ZMIZ1: variants seen among roughly 807,000 people sequenced by gnomAD.
ZMIZ1 encodes zinc finger MIZ domain-containing protein 1.
A neutral mutation model predicts 113.9 loss-of-function variants in ZMIZ1; 17 were observed. The observed-to-expected ratio is 0.15, with a 90% CI of 0.10 to 0.22. ZMIZ1 has a LOEUF of 0.22. Among genes scored for constraint, ZMIZ1 ranks in the 10% least tolerant of loss-of-function variants. The probability of loss-of-function intolerance (pLI) is 1.00; values close to 1 mark genes in which losing one functional copy is unlikely to be tolerated. For synonymous variants in ZMIZ1, 607 were observed against 603.1 expected (o/e 1.01, Z -0.09); for missense variants, 1,059 against 1,477.8 (o/e 0.72, Z 4.65).
intron 8 of ZMIZ1, chr10:79,285,304 A>G: frequency 2.8e-6 from 1 of 362,924 alleles, no homozygotes; most frequent in Non-Finnish European, 5.5e-6. Flanking sequence ...GAAGTCACTC[A>G]GTAAATCAGA....
At chr10:79,116,466 C>G (rs1227950019) in intron 1 of ZMIZ1, among the ~76,000 whole-genome samples, 1 of 152,088 alleles carries the variant, frequency 6.6e-6, no homozygotes, top group Non-Finnish European at 1.5e-5. Flanking sequence ...GGGAGGGCCT[C>G]CAGGAGAAGG....
chr10:79,268,540 T>C (rs1851738543), intron 7 of ZMIZ1, among the ~76,000 whole-genome samples: 1 of 152,224 alleles, frequency 6.6e-6, no homozygotes, highest in African/African-American at 2.4e-5. Flanking sequence ...CTGTGATTCA[T>C]GTCAGTGTGT....
chr10:79,096,371 G>T lies in ZMIZ1; in HGVS notation c.-336-22544G>T, dbSNP rs572031032. 7.9e-4 allele frequency among the ~76,000 whole-genome samples: 121 copies of T among 152,286 alleles called. 2 individuals carry two copies. The highest frequency in any genetic ancestry group is 1.4e-3 in the South Asian group (7 of 4,832). On this transcript the variant is annotated intron_variant, in intron 1 of 24. Coordinates refer to ENST00000334512, the MANE Select transcript of ZMIZ1 (RefSeq NM_020338.4). ...TAAAAAATACAAAAAAATTAGCCAGGTGTGGTGGTGGGCACCTGTGGTCCC... is the reference window on the plus strand; with the variant it reads ...TAAAAAATACAAAAAAATTAGCCAGTTGTGGTGGTGGGCACCTGTGGTCCC...
chr10:79,266,140 C>G (rs1018818293), intron 7 of ZMIZ1, among the ~76,000 whole-genome samples: 1 of 152,214 alleles, frequency 6.6e-6, no homozygotes, highest in Non-Finnish European at 1.5e-5. Flanking sequence ...CACCCCCTGT[C>G]TTTTACATGT....
intron 14 of ZMIZ1, 72 bp downstream of exon 14, chr10:79,297,762 G>C (rs957068852): frequency 7.3e-7 from 1 of 1,376,342 alleles, no homozygotes. Context: ...CACTGTTCCT[G>C]CTCCAGCCTC....
intron 2 of ZMIZ1, among the ~76,000 whole-genome samples, chr10:79,124,638 C>G (rs1294287553): frequency 6.6e-6 from 1 of 152,188 alleles, no homozygotes; most frequent in Non-Finnish European, 1.5e-5. Flanking sequence ...GTCACAGTCT[C>G]CAGTGCAGGG....
At chr10:79,275,018 T>A (rs536213564) in intron 7 of ZMIZ1, among the ~76,000 whole-genome samples, 2 of 152,310 alleles carry the variant, frequency 1.3e-5, no homozygotes, top group South Asian at 4.1e-4. Context: ...GGCAGTGGAG[T>A]GATCCCTCCG....
intron 3 of ZMIZ1, among the ~76,000 whole-genome samples, chr10:79,161,163 C>G (rs982718021): frequency 1.3e-5 from 2 of 152,236 alleles, no homozygotes; most frequent in East Asian, 3.8e-4. Flanking sequence ...CCCTGCACTT[C>G]TGCCTGCTGC....
At chr10:79,111,639 G>T (rs1843743425) in intron 1 of ZMIZ1, among the ~76,000 whole-genome samples, 1 of 152,202 alleles carries the variant, frequency 6.6e-6, no homozygotes, top group South Asian at 2.1e-4. Context: ...CGGAGATCTT[G>T]ACTCAAGAGT....
chr10:79,264,483 G>A (rs1851468506), intron 7 of ZMIZ1, among the ~76,000 whole-genome samples: 1 of 152,292 alleles, frequency 6.6e-6, no homozygotes, highest in East Asian at 1.9e-4. Flanking sequence ...CGCTTGCTTT[G>A]CTATTAGTGC....
intron 7 of ZMIZ1, among the ~76,000 whole-genome samples, chr10:79,239,992 G>A (rs996263114): frequency 1.4e-5 from 2 of 140,820 alleles, no homozygotes; most frequent in South Asian, 2.3e-4. Flanking sequence ...TTGCTCTCCC[G>A]AGCAAGCCAC....
At chr10:79,303,016 C>T (rs559342473) in intron 18 of ZMIZ1, among the ~76,000 whole-genome samples, 72 of 152,158 alleles carry the variant, frequency 4.7e-4, no homozygotes, top group African/African-American at 1.7e-3. Context: ...CGCCCACCAC[C>T]GCACCTGGCT....
intron 4 of ZMIZ1, among the ~76,000 whole-genome samples, chr10:79,179,661 T>G (rs546903727): frequency 2.0e-5 from 3 of 152,374 alleles, no homozygotes; most frequent in South Asian, 4.1e-4. Flanking sequence ...GCAGTCTGCT[T>G]CTTCCCTGGG....
At chr10:79,153,684 C>T (rs540695096) in intron 3 of ZMIZ1, among the ~76,000 whole-genome samples, 1 of 152,386 alleles carries the variant, frequency 6.6e-6, no homozygotes, top group African/African-American at 2.4e-5. Context: ...TCTCCCTCCT[C>T]ATGACCCATT....
At chr10:79,207,714 G>A (rs1172276328) in intron 5 of ZMIZ1, among the ~76,000 whole-genome samples, 1 of 152,166 alleles carries the variant, frequency 6.6e-6, no homozygotes, top group Non-Finnish European at 1.5e-5. Context: ...CTAGTGTGAG[G>A]ACAGTACAGG....
intron 8 of ZMIZ1, among the ~76,000 whole-genome samples, chr10:79,279,072 C>T (rs1165194330): frequency 1.4e-5 from 2 of 146,448 alleles, no homozygotes; most frequent in Middle Eastern, 4.3e-3. Context: ...GGCTGCCCCC[C>T]ACCTCCAGGA....
intron 4 of ZMIZ1, among the ~76,000 whole-genome samples, chr10:79,162,533 C>T (rs1175629241): frequency 6.6e-6 from 1 of 152,210 alleles, no homozygotes; most frequent in Non-Finnish European, 1.5e-5. Context: ...GGGCTACCCA[C>T]CCCTTCTGCC....
chr10:79,174,824 C>T (rs1846756575), intron 4 of ZMIZ1, among the ~76,000 whole-genome samples: 1 of 152,212 alleles, frequency 6.6e-6, no homozygotes, highest in Non-Finnish European at 1.5e-5. Flanking sequence ...GTCCAACAGT[C>T]CCACCCCCTT....
At chr10:79,283,253 C>G (rs1852852128) in intron 8 of ZMIZ1, among the ~76,000 whole-genome samples, 1 of 152,188 alleles carries the variant, frequency 6.6e-6, no homozygotes, top group African/African-American at 2.4e-5. Flanking sequence ...CTGAGTATAG[C>G]AGGTCGGGGA....
Sources: allele counts gnomAD v4.1 joint callset (sites outside exome capture counted in the v4.1 genomes callset), GRCh38; gene constraint gnomAD v4.1.1; transcripts MANE v1.5; gene names NCBI Gene and HGNC (gene_info 2026-07-23, HGNC 2026-07-21).